Variants in MICU2 observed in about 807,000 individuals in gnomAD.
MICU2 encodes the protein mitochondrial calcium uptake 2.
In MICU2, 64 loss-of-function variants were observed where a neutral mutation model predicts 60.4. The observed-to-expected ratio is 1.06, with a 90% CI of 0.87 to 1.31. The LOEUF is 1.31. MICU2 is among the 50% of genes most tolerant of loss of function. MICU2 has a pLI of 0.00. For synonymous variants in MICU2, 201 were observed against 175.0 expected (o/e 1.15, Z -1.17); for missense variants, 569 against 531.0 (o/e 1.07, Z -0.70).
Position 21,571,905 on chromosome 13 carries a change from C to G in MICU2, c.211-4961G>C, listed in dbSNP as rs189743376. Among the ~76,000 whole-genome samples, 492 of 152,242 alleles carry G rather than the reference C, an allele frequency of 3.2e-3. 1 individual carries two copies. Among genetic ancestry groups the G allele is most frequent in the Non-Finnish European group, 5.4e-3 (365 of 68,022 alleles). On this transcript the variant is annotated intron_variant, in intron 1 of 11. Transcript: ENST00000382374. ...ACAGAGCAAAGTAACAGCAGCCATACAGTACTGCAAAGATCATCATGAATT... is the reference window on the plus strand; with the variant it reads ...ACAGAGCAAAGTAACAGCAGCCATAGAGTACTGCAAAGATCATCATGAATT...
At chr13:21,516,457 C>A (rs1037893848) in intron 6 of MICU2, among the ~76,000 whole-genome samples, 1 of 152,118 alleles carries the variant, frequency 6.6e-6, no homozygotes, top group Non-Finnish European at 1.5e-5. Flanking sequence ...ACTATTTATT[C>A]AATCACCTGT....
At chr13:21,508,601 A>T (rs1016797367) in intron 8 of MICU2, among the ~76,000 whole-genome samples, 6 of 151,964 alleles carry the variant, frequency 3.9e-5, no homozygotes, top group African/African-American at 1.5e-4. Context: ...GGTGTATAAA[A>T]CCTTCACACA....
At chr13:21,599,867 G>C (rs1410922395) in intron 1 of MICU2, among the ~76,000 whole-genome samples, 1 of 152,180 alleles carries the variant, frequency 6.6e-6, no homozygotes, top group Admixed American at 6.5e-5. Flanking sequence ...TTGAAGAAGT[G>C]ATACTCTGAG....
intron 1 of MICU2, among the ~76,000 whole-genome samples, chr13:21,594,009 A>G (rs1216570312): frequency 1.3e-5 from 2 of 152,254 alleles, no homozygotes; most frequent in Non-Finnish European, 2.9e-5. Flanking sequence ...AGTAATTGCA[A>G]CAAAAGCCAA....
At chr13:21,551,556 T>C (rs1887565349) in intron 2 of MICU2, 1 of 151,190 alleles carries the variant, frequency 6.6e-6, no homozygotes, top group Non-Finnish European at 1.5e-5. Flanking sequence ...CATTTAGCAT[T>C]AGGTATATCT....
intron 7 of MICU2, among the ~76,000 whole-genome samples, chr13:21,510,764 G>A (rs1886409599): frequency 2.6e-5 from 4 of 152,028 alleles, no homozygotes; most frequent in Admixed American, 2.6e-4. Flanking sequence ...CCACCACCCC[G>A]ACCCCGCTTC....
chr13:21,511,243 T>A (rs1345021727), intron 7 of MICU2, among the ~76,000 whole-genome samples: 1 of 152,064 alleles, frequency 6.6e-6, no homozygotes, highest in East Asian at 1.9e-4. Context: ...AAAAGATAAA[T>A]TAGTTCCAGA....
intron 8 of MICU2, among the ~76,000 whole-genome samples, chr13:21,506,120 G>A (rs762036126): frequency 6.6e-6 from 1 of 151,678 alleles, no homozygotes; most frequent in African/African-American, 2.4e-5. Flanking sequence ...AACCTCCCTG[G>A]GCTCTGGTGA....
chr13:21,603,081 A>G (rs1005665650), intron 1 of MICU2, among the ~76,000 whole-genome samples: 10 of 150,136 alleles, frequency 6.7e-5, no homozygotes, highest in African/African-American at 2.2e-4. Context: ...CGGTTCTCCT[A>G]CTTCAGCCTC....
At chr13:21,549,665 T>C (rs1321118891) in intron 2 of MICU2, among the ~76,000 whole-genome samples, 1 of 152,176 alleles carries the variant, frequency 6.6e-6, no homozygotes, top group Non-Finnish European at 1.5e-5. Context: ...GCATATCATA[T>C]ACTGGTATAA....
At chr13:21,568,611 T>G (rs1320248689) in intron 1 of MICU2, among the ~76,000 whole-genome samples, 4 of 152,200 alleles carry the variant, frequency 2.6e-5, no homozygotes, top group African/African-American at 9.6e-5. Context: ...AAACAAACTC[T>G]TCTTTCCAAA....
chr13:21,580,686 T>C (rs1298032743), intron 1 of MICU2, among the ~76,000 whole-genome samples: 1 of 152,042 alleles, frequency 6.6e-6, no homozygotes, highest in African/African-American at 2.4e-5. Context: ...GGCTATTGTT[T>C]AGATAGTCTC....
At chr13:21,575,679 G>A (rs1181473553) in intron 1 of MICU2, among the ~76,000 whole-genome samples, 5 of 124,796 alleles carry the variant, frequency 4.0e-5, no homozygotes, top group Admixed American at 1.0e-4. Context: ...CCAGTGAGCC[G>A]AGATCGCACC....
At chr13:21,520,743 A>C (rs1013899819) in intron 6 of MICU2, among the ~76,000 whole-genome samples, 1 of 151,986 alleles carries the variant, frequency 6.6e-6, no homozygotes, top group Non-Finnish European at 1.5e-5. Context: ...ACATCTTAGA[A>C]AATACCATTT....
chr13:21,603,501 G>A (rs1201767484), intron 1 of MICU2: 1 of 176,690 alleles, frequency 5.7e-6, no homozygotes, highest in Non-Finnish European at 1.2e-5. Context: ...TAGTTGCAAA[G>A]CTTAACAAAG....
chr13:21,539,677 C>A lies in MICU2; in HGVS notation c.370G>T (p.Val124Phe). 2 of 1,614,082 alleles carry A rather than the reference C, an allele frequency of 1.2e-6. No homozygotes were observed. The highest frequency in any genetic ancestry group is 1.7e-6 in the Non-Finnish European group (2 of 1,179,974). ...CTTACCTTTTTTGTCAGCTTCTTGA[C>A]TGAAGTTTTACCTACAACAAATAAG... ...MFEQMERKTS[V>F]KKLTKKDIED... is the part of the protein sequence containing the mutation. Residue 124 changes from valine (V) to phenylalanine (F), a missense_variant, in exon 3 of 12, where the codon GTC becomes TTC. Transcript: ENST00000382374.
chr13:21,596,839 T>C (rs1276131068), intron 1 of MICU2, among the ~76,000 whole-genome samples: 1 of 152,240 alleles, frequency 6.6e-6, no homozygotes, highest in Non-Finnish European at 1.5e-5. Context: ...GAGCTTGTTA[T>C]ATTTATATCT....
intron 7 of MICU2, among the ~76,000 whole-genome samples, chr13:21,511,826 T>C (rs3886357): frequency 0.32 from 48,727 of 151,552 alleles, 8,939 homozygotes; most frequent in Non-Finnish European, 0.41. Flanking sequence ...TTTTTTTTTT[T>C]CCCAGCATAA....
At position 21,602,102 on chromosome 13, in the gene MICU2, C is replaced by T. The variant is rs1888831715; in HGVS notation, c.210+1837G>A. ...CCAGCCTGGGTGACAGAGACTCCAT[C>T]TCAACAACAAAAAAAAAGTGCATTT... On this transcript the variant is annotated intron_variant, in intron 1 of 11. Transcript: ENST00000382374. Among the ~76,000 whole-genome samples the T allele has an allele frequency of 1.5e-5, 2 of 129,472 alleles. 1 individual carries two copies. Among genetic ancestry groups the T allele is most frequent in the South Asian group, 4.6e-4 (2 of 4,378 alleles). The allele number at this position is 129,472 out of a possible 152,430, so 84.9% of individuals were successfully genotyped here. A position where few individuals can be genotyped will look rare whatever the true frequency, so the allele number is the denominator to read the frequency against.
Sources: gnomAD v4.1 joint callset for allele counts (sites outside exome capture counted in the v4.1 genomes callset) on GRCh38, gnomAD v4.1.1 for gene constraint, MANE v1.5 for transcripts, NCBI Gene and HGNC (gene_info 2026-07-23, HGNC 2026-07-21) for gene names.